XPO4: variants seen among roughly 807,000 people sequenced by gnomAD.
XPO4 encodes exportin 4, also known as exportin-4.
A neutral mutation model predicts 143.0 loss-of-function variants in XPO4; 39 were observed. The ratio of observed to expected loss-of-function variants is 0.27; its 90% CI spans 0.21 to 0.36. The LOEUF (loss-of-function observed/expected upper bound fraction) is 0.36. XPO4 is among the 10% of genes least tolerant of loss of function. The pLI, the probability that XPO4 is intolerant of heterozygous loss-of-function variation, is 1.00. For synonymous variants in XPO4, 439 were observed against 474.0 expected (o/e 0.93, Z 0.96); for missense variants, 907 against 1,348.0 (o/e 0.67, Z 5.12).
chr13:20,874,235 G>T (rs578245736), intron 1 of XPO4, among the ~76,000 whole-genome samples: 1 of 152,242 alleles, frequency 6.6e-6, no homozygotes, highest in East Asian at 1.9e-4. Context: ...GAAAATGTGA[G>T]AATATTAAAG....
At chr13:20,848,877 A>G in intron 4 of XPO4, 2 of 985,394 alleles carry the variant, frequency 2.0e-6, no homozygotes, top group Non-Finnish European at 2.4e-6. Flanking sequence ...GTTATAAAAA[A>G]AAGTCTAATT....
intron 2 of XPO4, among the ~76,000 whole-genome samples, chr13:20,866,839 A>C (rs895550151): frequency 6.6e-6 from 1 of 152,232 alleles, no homozygotes; most frequent in Non-Finnish European, 1.5e-5. Context: ...AATGGTATAA[A>C]CAAATACACT....
In XPO4 at chr13:20,800,232, A is replaced by G; in HGVS notation, c.2071T>C (p.Ser691Pro). Residue 691 changes from serine to proline, a missense_variant, in exon 15 of 23, where the codon TCA becomes CCA. Transcript: ENST00000255305. ...YLLQKVISNL[S>P]VWSSEQDLAN... ...AGGTCCTGCTCACTACTCCAGACTG[A>G]GAGGTTACTGATGACTTTTTGTAAG... 1 of 1,614,184 alleles carries G rather than the reference A, an allele frequency of 6.2e-7. No individual in the cohort carries two copies. Among genetic ancestry groups the G allele is most frequent in the South Asian group, 1.1e-5 (1 of 91,080 alleles).
At chr13:20,876,264 G>GAAA (rs35708026) in intron 1 of XPO4, among the ~76,000 whole-genome samples, 5 of 81,908 alleles carry the variant, frequency 6.1e-5, no homozygotes, top group Admixed American at 4.2e-4. Flanking sequence ...CTCCATCTCG[G>GAAA]AAAAAAAAAA....
chr13:20,902,258 T>C (rs1230100440), intron 1 of XPO4: 1 of 985,180 alleles, frequency 1.0e-6, no homozygotes, highest in African/African-American at 1.7e-5. Context: ...GGCTGTGCCA[T>C]CCAATCCCTC....
intron 6 of XPO4, among the ~76,000 whole-genome samples, chr13:20,836,755 G>A (rs551704869): frequency 4.6e-5 from 7 of 152,266 alleles, no homozygotes; most frequent in African/African-American, 1.4e-4. Flanking sequence ...GTGCAACCAC[G>A]ACCATGATCT....
At chr13:20,807,162 C>T (rs2059519124) in intron 13 of XPO4, among the ~76,000 whole-genome samples, 1 of 152,166 alleles carries the variant, frequency 6.6e-6, no homozygotes, top group South Asian at 2.1e-4. Flanking sequence ...CTCTGATGGA[C>T]AGGCGTTATG....
chr13:20,878,808 AT>A (rs1331108414), intron 1 of XPO4, among the ~76,000 whole-genome samples: 1 of 152,216 alleles, frequency 6.6e-6, no homozygotes, highest in Non-Finnish European at 1.5e-5. Context: ...CAAAACATCT[AT>A]ATGAACATTT....
chr13:20,886,055 A>C (rs1411599420), intron 1 of XPO4, among the ~76,000 whole-genome samples: 1 of 152,242 alleles, frequency 6.6e-6, no homozygotes, highest in Admixed American at 6.5e-5. Flanking sequence ...TTAGCTTAGG[A>C]GACAGAAGTA....
At position 20,807,418 on chromosome 13, in the gene XPO4, A is replaced by G. The variant is rs376554157; in HGVS notation, c.1817+39T>C. ...ATCAACTCAGAATTTATAAAACAGT[A>G]TAAAAATTACAAGAGCACAGCTATA... On this transcript the variant is annotated intron_variant, in intron 13 of 22. Transcript: ENST00000255305. 13 of 1,562,568 alleles carry G rather than the reference A, an allele frequency of 8.3e-6. No individual in the cohort carries two copies. In the African/African-American group the frequency reaches 1.7e-4, roughly 20 times the overall value.
chr13:20,873,923 C>G (rs1242292659), intron 1 of XPO4, among the ~76,000 whole-genome samples: 1 of 152,218 alleles, frequency 6.6e-6, no homozygotes, highest in Non-Finnish European at 1.5e-5. Context: ...AAATACTTTA[C>G]ATGCATTATC....
Position 20,778,997 on chromosome 13 carries a change from C to T in XPO4, c.*4725G>A, listed in dbSNP as rs1175469636. On this transcript the variant is annotated 3_prime_UTR_variant, in exon 23 of 23. Coordinates refer to ENST00000255305, the MANE Select transcript of XPO4 (RefSeq NM_022459.5). The stretch of plus-strand genomic sequence containing the variant: ...ACTGGCTCAATACATAGCCTTATTT[C>T]CTAAAATCATATTGCAGCATCTTCT... 1.3e-5 allele frequency: 2 copies of T among 152,096 alleles called. No individual in the cohort carries two copies. The highest frequency in any genetic ancestry group is 2.9e-5 in the Non-Finnish European group (2 of 68,024). The allele number at this position is 152,096 out of a possible 1,614,324, so 9.4% of individuals were successfully genotyped here. A position where few individuals can be genotyped will look rare whatever the true frequency, so the allele number is the denominator to read the frequency against.
At chr13:20,815,134 G>A (rs988161411) in intron 9 of XPO4, among the ~76,000 whole-genome samples, 3 of 152,108 alleles carry the variant, frequency 2.0e-5, no homozygotes, top group South Asian at 2.1e-4. Flanking sequence ...GGAGACAGGC[G>A]AAAGATCAGT....
intron 9 of XPO4, 152 bp downstream of exon 9, chr13:20,821,552 T>C: frequency 1.2e-6 from 1 of 808,910 alleles, no homozygotes; most frequent in East Asian, 3.0e-5. Flanking sequence ...AAAGGTCATG[T>C]TTCCCAAATA....
At chr13:20,829,091 C>A (rs1449798655) in intron 6 of XPO4, among the ~76,000 whole-genome samples, 2 of 152,032 alleles carry the variant, frequency 1.3e-5, no homozygotes, top group African/African-American at 4.8e-5. Flanking sequence ...GCAATCAATT[C>A]TTTGTGTTTT....
intron 4 of XPO4, among the ~76,000 whole-genome samples, chr13:20,854,716 C>A (rs2060125122): frequency 6.6e-6 from 1 of 152,154 alleles, no homozygotes; most frequent in Admixed American, 6.5e-5. Flanking sequence ...AACCGCAACT[C>A]CTCCTGCCTC....
chr13:20,798,209 G>A (rs1210893713), intron 16 of XPO4, among the ~76,000 whole-genome samples: 4 of 152,140 alleles, frequency 2.6e-5, no homozygotes, highest in African/African-American at 9.7e-5. Flanking sequence ...GGAATAGGGT[G>A]GGCCCCTAGT....
At chr13:20,784,648 A>G (rs1302770420) in intron 22 of XPO4, among the ~76,000 whole-genome samples, 1 of 152,226 alleles carries the variant, frequency 6.6e-6, no homozygotes. Flanking sequence ...AAGCTCTCAA[A>G]AAAAGCTGGC....
rs61954210 is a variant in XPO4, at chr13:20,876,067, T to A, written c.70-7366A>T. ...GAGTTTGAGACCAGCCTGACCAACA[T>A]AGTGAAACCCCATCTCTACTAAATA... On this transcript the variant is annotated intron_variant, in intron 1 of 22. Coordinates refer to ENST00000255305, the MANE Select transcript of XPO4 (RefSeq NM_022459.5). Among the ~76,000 whole-genome samples, 1,084 of 120,796 alleles carry A rather than the reference T, an allele frequency of 9.0e-3. 13 individuals carry two copies. Among genetic ancestry groups the A allele is most frequent in the African/African-American group, 0.031 (988 of 31,444 alleles). 79.2% of individuals were successfully genotyped at this position (120,796 alleles called of 152,430 possible). A position where few individuals can be genotyped will look rare whatever the true frequency, so the allele number is the denominator to read the frequency against.
Sources: allele counts gnomAD v4.1 joint callset (sites outside exome capture counted in the v4.1 genomes callset), GRCh38; gene constraint gnomAD v4.1.1; transcripts MANE v1.5; gene names NCBI Gene and HGNC (gene_info 2026-07-23, HGNC 2026-07-21).